The following MCTP1 variants were observed in gnomAD, a reference collection of about 807,000 sequenced individuals.
The protein encoded by MCTP1 is multiple C2 and transmembrane domain containing 1.
Under a neutral mutation model 120.6 loss-of-function variants are expected in MCTP1, and 69 were observed. The ratio of observed to expected loss-of-function variants is 0.57; its 90% CI spans 0.47 to 0.70. The LOEUF (loss-of-function observed/expected upper bound fraction) is 0.70. Ranked by LOEUF, MCTP1 falls within the 30% of genes least tolerant of loss-of-function variation. The pLI is 0.00. For synonymous variants in MCTP1, 529 were observed against 493.1 expected, an observed-to-expected ratio of 1.07 and a Z score of -0.96; for missense variants, 1,203 against 1,248.8, an observed-to-expected ratio of 0.96 and a Z score of 0.55.
chr5:94,713,149 A>T (rs538439774), intron 20 of MCTP1, among the ~76,000 whole-genome samples: 65 of 152,224 alleles, frequency 4.3e-4, no homozygotes, highest in African/African-American at 1.5e-3. Flanking sequence ...TTTTGTGCTT[A>T]AAGATTGCTT....
intron 19 of MCTP1, among the ~76,000 whole-genome samples, chr5:94,721,585 A>G (rs1384532811): frequency 6.6e-6 from 1 of 152,188 alleles, no homozygotes; most frequent in African/African-American, 2.4e-5. Flanking sequence ...CAAATTCTAT[A>G]TTCTTTCATT....
At chr5:95,011,249 T>C (rs951666357) in intron 2 of MCTP1, among the ~76,000 whole-genome samples, 1 of 152,204 alleles carries the variant, frequency 6.6e-6, no homozygotes, top group African/African-American at 2.4e-5. Flanking sequence ...TTTTGCCTAC[T>C]ATTGTTACTG....
chr5:95,240,558 A>G (rs908361061), intron 1 of MCTP1, among the ~76,000 whole-genome samples: 1 of 152,220 alleles, frequency 6.6e-6, no homozygotes, highest in Admixed American at 6.5e-5. Context: ...CCCTCACTGC[A>G]CTATGGACCT....
At chr5:95,005,802 T>C (rs553161946) in intron 2 of MCTP1, among the ~76,000 whole-genome samples, 10 of 151,960 alleles carry the variant, frequency 6.6e-5, no homozygotes, top group Non-Finnish European at 1.2e-4. Context: ...TCTCAGGTAG[T>C]TCTTTATAGC....
At chr5:94,819,884 T>C (rs1053712250) in intron 17 of MCTP1, among the ~76,000 whole-genome samples, 6 of 152,244 alleles carry the variant, frequency 3.9e-5, no homozygotes, top group African/African-American at 1.4e-4. Flanking sequence ...AAATTCATTA[T>C]AGATAAGTTG....
intron 17 of MCTP1, among the ~76,000 whole-genome samples, chr5:94,803,925 C>T (rs1781725534): frequency 6.6e-6 from 1 of 152,038 alleles, no homozygotes; most frequent in African/African-American, 2.4e-5. Context: ...GATAGAGTAG[C>T]AAATATGATG....
intron 17 of MCTP1, among the ~76,000 whole-genome samples, chr5:94,857,164 C>T (rs574164522): frequency 4.6e-5 from 7 of 151,794 alleles, no homozygotes; most frequent in African/African-American, 1.7e-4. Flanking sequence ...GTTTCTCTTA[C>T]AATAGTATAG....
intron 19 of MCTP1, among the ~76,000 whole-genome samples, chr5:94,764,040 G>A (rs1337222535): frequency 3.9e-5 from 6 of 152,054 alleles, no homozygotes; most frequent in Admixed American, 1.3e-4. Flanking sequence ...CATATGGGTT[G>A]GTTCCATGCC....
intron 19 of MCTP1, among the ~76,000 whole-genome samples, chr5:94,727,133 T>G (rs1016881193): frequency 6.6e-6 from 1 of 152,192 alleles, no homozygotes; most frequent in African/African-American, 2.4e-5. Context: ...CCATCTGAGC[T>G]TAAAAGAGAT....
At chr5:95,083,375 A>G (rs972203971) in intron 1 of MCTP1, among the ~76,000 whole-genome samples, 3 of 152,178 alleles carry the variant, frequency 2.0e-5, no homozygotes, top group African/African-American at 7.2e-5. Context: ...AAATACTTAG[A>G]ACACTTTAAT....
intron 1 of MCTP1, among the ~76,000 whole-genome samples, chr5:95,268,907 T>G (rs1452298228): frequency 6.6e-6 from 1 of 152,226 alleles, no homozygotes; most frequent in Non-Finnish European, 1.5e-5. Flanking sequence ...GGTCTGTGGG[T>G]TGGACCCGGC....
chr5:94,959,022 T>A (rs751000362), intron 2 of MCTP1, among the ~76,000 whole-genome samples: 42 of 152,132 alleles, frequency 2.8e-4, no homozygotes, highest in Non-Finnish European at 5.6e-4. Context: ...AAATCCTCAA[T>A]AAAATACTGG....
chr5:95,280,326 C>A (rs558099597), intron 1 of MCTP1, among the ~76,000 whole-genome samples: 2 of 151,992 alleles, frequency 1.3e-5, no homozygotes, highest in Non-Finnish European at 2.9e-5. Flanking sequence ...ATAGTTTATC[C>A]TTTGTGAAAG....
chr5:95,250,779 C>T (rs1344250726), intron 1 of MCTP1, among the ~76,000 whole-genome samples: 1 of 152,122 alleles, frequency 6.6e-6, no homozygotes, highest in African/African-American at 2.4e-5. Context: ...TCTACTTTTT[C>T]CTTATAGCTT....
intron 17 of MCTP1, among the ~76,000 whole-genome samples, chr5:94,851,619 G>A (rs537305823): frequency 3.3e-5 from 5 of 151,968 alleles, no homozygotes; most frequent in African/African-American, 7.2e-5. Flanking sequence ...CTTGATTTTC[G>A]TTTTGAATAA....
At chr5:95,094,100 C>A (rs552170286) in intron 1 of MCTP1, among the ~76,000 whole-genome samples, 1 of 152,336 alleles carries the variant, frequency 6.6e-6, no homozygotes, top group Admixed American at 6.5e-5. Context: ...TCAAGCCCTG[C>A]CTGACGTGAA....
chr5:94,962,903 C>T (rs1824641030), intron 2 of MCTP1, among the ~76,000 whole-genome samples: 2 of 152,048 alleles, frequency 1.3e-5, no homozygotes, highest in Admixed American at 6.6e-5. Flanking sequence ...AATCTTTAAA[C>T]TTGAAAAAAA....
intron 2 of MCTP1, among the ~76,000 whole-genome samples, chr5:95,009,112 C>T (rs1213443265): frequency 7.3e-6 from 1 of 136,760 alleles, no homozygotes; most frequent in Non-Finnish European, 1.5e-5. Context: ...GAGAGAGAAG[C>T]ATTGGGAGGG....
At chr5:94,727,734 A>T (rs1672018402) in intron 19 of MCTP1, among the ~76,000 whole-genome samples, 1 of 152,176 alleles carries the variant, frequency 6.6e-6, no homozygotes, top group Admixed American at 6.5e-5. Flanking sequence ...AGCATTAGGA[A>T]AAAATGATTT....
Sources: gnomAD v4.1 joint callset for allele counts (sites outside exome capture counted in the v4.1 genomes callset) on GRCh38, gnomAD v4.1.1 for gene constraint, MANE v1.5 for transcripts, NCBI Gene and HGNC (gene_info 2026-07-23, HGNC 2026-07-21) for gene names.